The following SYNE2 variants were observed in gnomAD, a reference collection of about 807,000 sequenced individuals.
The protein encoded by SYNE2 is spectrin repeat containing nuclear envelope protein 2, also known as nesprin-2.
A neutral mutation model predicts 856.3 loss-of-function variants in SYNE2; 431 were observed. The ratio of observed to expected loss-of-function variants is 0.50; its 90% confidence interval spans 0.47 to 0.55. SYNE2 has a LOEUF of 0.55. Among genes scored for constraint, SYNE2 ranks in the 20% least tolerant of loss-of-function variants. SYNE2 has a pLI of 0.00. For missense variants in SYNE2, 8,129 were observed against 8,023.2 expected, an observed-to-expected ratio of 1.01 and a Z score of -0.50; for synonymous variants, 2,923 against 2,872.3, an observed-to-expected ratio of 1.02 and a Z score of -0.56.
chr14:63,766,326 C>A (rs985779549), intron 1 of SYNE2, among the ~76,000 whole-genome samples: 1 of 152,064 alleles, frequency 6.6e-6, no homozygotes, highest in Non-Finnish European at 1.5e-5. Context: ...GTGATCCGCC[C>A]GCCTCAGCAT....
In SYNE2 at chr14:64,212,890, G is replaced by A. The variant is rs548600640; in HGVS notation, c.18941G>A (p.Ser6314Asn). ...TTTGGGGAGCAGCTGATTCAGAAGAGCGAGCCCCTGGATGCTGTGCTGATT... is the reference window on the plus strand; with the variant it reads ...TTTGGGGAGCAGCTGATTCAGAAGAACGAGCCCCTGGATGCTGTGCTGATT... ...IVFGEQLIQK[S>N]EPLDAVLIED... The change falls in exon 105 of 116, where the codon AGC (serine) becomes AAC (asparagine). Residue 6314 changes from serine (S) to asparagine (N), a missense_variant. Coordinates refer to ENST00000555002, the MANE Select transcript of SYNE2 (RefSeq NM_182914.3). 1 of 1,614,210 alleles carries A rather than the reference G, an allele frequency of 6.2e-7. No individual in the cohort carries two copies. The highest frequency in any genetic ancestry group is 8.5e-7 in the Non-Finnish European group (1 of 1,180,040).
intron 73 of SYNE2, 97 bp downstream of exon 73, chr14:64,126,904 G>A (rs2097951732): frequency 7.9e-7 from 1 of 1,270,734 alleles, no homozygotes; most frequent in Non-Finnish European, 1.1e-6. Flanking sequence ...TTGTTAATAA[G>A]AATTGCTAAG....
intron 32 of SYNE2, among the ~76,000 whole-genome samples, chr14:64,014,980 C>CAG: frequency 7.6e-6 from 1 of 131,842 alleles, no homozygotes; most frequent in Non-Finnish European, 1.5e-5. Context: ...TATATACACA[C>CAG]ACACACACAC....
intron 42 of SYNE2, 69 bp downstream of exon 42, chr14:64,026,799 G>C: frequency 6.5e-7 from 1 of 1,531,384 alleles, no homozygotes; most frequent in Non-Finnish European, 8.9e-7. Flanking sequence ...AGTATGTTTT[G>C]TCTGCCCCCT....
At chr14:64,093,727 C>A (rs1412422595) in intron 61 of SYNE2, among the ~76,000 whole-genome samples, 1 of 152,070 alleles carries the variant, frequency 6.6e-6, no homozygotes, top group Non-Finnish European at 1.5e-5. Context: ...TCAAGAGAAG[C>A]CTTATCTGTT....
intron 50 of SYNE2, 87 bp downstream of exon 50, chr14:64,062,982 T>C: frequency 6.8e-7 from 1 of 1,471,778 alleles, no homozygotes; most frequent in South Asian, 1.1e-5. Flanking sequence ...GTGGTCCTGT[T>C]AAGACGCGTA....
intron 31 of SYNE2, among the ~76,000 whole-genome samples, chr14:64,008,998 C>G (rs763553873): frequency 2.0e-5 from 3 of 152,160 alleles, no homozygotes; most frequent in Non-Finnish European, 4.4e-5. Context: ...GGGTACACCT[C>G]CTGTTTCCTA....
chr14:63,878,638 G>A (rs906729415), intron 1 of SYNE2, among the ~76,000 whole-genome samples: 32 of 152,206 alleles, frequency 2.1e-4, no homozygotes, highest in Middle Eastern at 3.4e-3. Context: ...CACCTCCCAG[G>A]TTGAAGCAAT....
intron 94 of SYNE2, among the ~76,000 whole-genome samples, chr14:64,171,317 C>G (rs182112594): frequency 1.3e-5 from 2 of 152,348 alleles, no homozygotes; most frequent in Admixed American, 1.3e-4. Context: ...AGTACCTTCT[C>G]TGTGCCAATC....
At chr14:63,800,452 C>G (rs571331060) in intron 1 of SYNE2, among the ~76,000 whole-genome samples, 39 of 152,088 alleles carry the variant, frequency 2.6e-4, no homozygotes, top group African/African-American at 8.9e-4. Context: ...TGGGGTTTCT[C>G]TCTAATTTTG....
chr14:63,996,866 A>G, intron 23 of SYNE2, 81 bp from the exon 24 acceptor site: 1 of 1,308,666 alleles, frequency 7.6e-7, no homozygotes, highest in African/African-American at 1.5e-5. Flanking sequence ...AAAACTACAC[A>G]CATCTGTTAG....
intron 1 of SYNE2, among the ~76,000 whole-genome samples, chr14:63,861,281 A>G (rs1893607770): frequency 6.6e-6 from 1 of 150,958 alleles, no homozygotes; most frequent in African/African-American, 2.4e-5. Context: ...AGTAGCTGGG[A>G]TTACAGGTGC....
In SYNE2 at chr14:64,142,040, T is replaced by A. The variant is rs1175789602; in HGVS notation, c.15258T>A (p.His5086Gln). 2 of 1,614,114 alleles carry A rather than the reference T, an allele frequency of 1.2e-6. No homozygotes were observed. The highest frequency in any genetic ancestry group is 8.5e-7 in the Non-Finnish European group (1 of 1,180,008). Residue 5086 changes from histidine to glutamine, a missense_variant, in exon 82 of 116, where the codon CAT becomes CAA. Physicochemically the swap from His to Gln is conservative, Grantham distance 24. Coordinates refer to ENST00000555002, the MANE Select transcript of SYNE2 (RefSeq NM_182914.3). Reference sequence around the variant, plus strand: ...AAACTTCAGATGAAGACTCCGTGCATTCACCAAGTTCTGCATCTCAAGTTA... The same window carrying A: ...AAACTTCAGATGAAGACTCCGTGCAATCACCAAGTTCTGCATCTCAAGTTA... ...EHQTSDEDSVHSPSSASQVKH... is the reference protein window; with the variant it reads ...EHQTSDEDSVQSPSSASQVKH...
chr14:64,098,726 T>C (rs766465560), intron 62 of SYNE2, 21 bp from the exon 63 acceptor site: 1 of 1,613,440 alleles, frequency 6.2e-7, no homozygotes, highest in South Asian at 1.1e-5. Flanking sequence ...ACTGCAGGTA[T>C]TCTTGTGCTG....
intron 1 of SYNE2, among the ~76,000 whole-genome samples, chr14:63,800,002 A>G (rs1888071915): frequency 6.6e-6 from 1 of 152,222 alleles, no homozygotes; most frequent in African/African-American, 2.4e-5. Flanking sequence ...ATCTAGACGC[A>G]TCCAAAGTCT....
intron 1 of SYNE2, among the ~76,000 whole-genome samples, chr14:63,783,125 T>C (rs1002354508): frequency 1.3e-5 from 2 of 152,082 alleles, no homozygotes; most frequent in African/African-American, 4.8e-5. Flanking sequence ...AGAGACCGGG[T>C]GGAGGTAATT....
rs781726923 is a variant in SYNE2, at chr14:64,009,935, A to G, written c.4578-31A>G. On this transcript the variant is annotated intron_variant, in intron 31 of 115. Transcript: ENST00000555002. ...AAGAACGGTTTTGCTATTTTTGGAC[A>G]TTTAGCTATTGTATATTTTTCTATT... 5.6e-6 allele frequency: 9 copies of G among 1,602,520 alleles called. No individual in the cohort carries two copies. In the South Asian group the frequency reaches 6.6e-5, roughly 12 times the overall value.
chr14:64,002,169 A>G, intron 29 of SYNE2, 88 bp downstream of exon 29: 11 of 1,116,176 alleles, frequency 9.9e-6, no homozygotes, highest in Non-Finnish European at 1.5e-5. Context: ...ATTATTCATG[A>G]TAGCATAGAT....
At position 64,048,138 on chromosome 14, in the gene SYNE2, C is replaced by G. The variant is rs1291572650; in HGVS notation, c.7360C>G (p.Gln2454Glu). 6.2e-7 allele frequency: 1 copy of G among 1,613,020 alleles called. No individual in the cohort carries two copies. The highest frequency in any genetic ancestry group is 8.5e-7 in the Non-Finnish European group (1 of 1,179,496). Residue 2454 changes from glutamine to glutamate, a missense_variant, in exon 46 of 116, where the codon CAA (glutamine) becomes GAA (glutamate). Around this residue, in one of 3 missense-constraint regions of SYNE2, gnomAD observed 5,410 missense variants for 5,284.8 expected, o/e 1.02. Transcript: ENST00000555002. Reference sequence around the variant, plus strand: ...ATTAGATACTATGTTAAGAAATGAACAATTAGAAGAGATAGAGGTATGGAA... The same window carrying G: ...ATTAGATACTATGTTAAGAAATGAAGAATTAGAAGAGATAGAGGTATGGAA... Reference protein sequence around the residue: ...LELDTMLRNEQLEEIEKLYTQ... With the variant: ...LELDTMLRNEELEEIEKLYTQ...
Sources: gnomAD v4.1 joint callset for allele counts (sites outside exome capture counted in the v4.1 genomes callset) on GRCh38, gnomAD v4.1.1 for gene constraint, gnomAD v4.1.1 regional missense constraint, MANE v1.5 for transcripts, NCBI Gene and HGNC (gene_info 2026-07-23, HGNC 2026-07-21) for gene names.